ACYP2: variants seen among roughly 807,000 people sequenced by gnomAD.
ACYP2 encodes acylphosphatase 2.
ACYP2 carries 12 observed loss-of-function variants against 11.2 expected under a neutral mutation model. The ratio of observed to expected loss-of-function variants is 1.08; its 90% CI spans 0.69 to 1.74. ACYP2 has a LOEUF of 1.74. Among genes scored for constraint, ACYP2 ranks in the 40% most tolerant of loss-of-function variants. The probability of loss-of-function intolerance (pLI) is 0.00; values close to 1 mark genes in which losing one functional copy is unlikely to be tolerated. For synonymous variants in ACYP2, 43 were observed against 32.2 expected (o/e 1.33, Z -1.13); for missense variants, 134 against 101.9 (o/e 1.31, Z -1.35).
intron 2 of ACYP2, among the ~76,000 whole-genome samples, chr2:53,999,290 G>C (rs1487959874): frequency 6.6e-6 from 1 of 152,072 alleles, no homozygotes; most frequent in Non-Finnish European, 1.5e-5. Flanking sequence ...CATACAGGGA[G>C]ATGTCATGAG....
intron 2 of ACYP2, among the ~76,000 whole-genome samples, chr2:54,030,335 G>T (rs1439872224): frequency 6.6e-6 from 1 of 152,220 alleles, no homozygotes; most frequent in Non-Finnish European, 1.5e-5. Flanking sequence ...CACAAGGAAT[G>T]TATGACTGTC....
At chr2:54,194,800 C>A (rs1684388315) in intron 6 of ACYP2, among the ~76,000 whole-genome samples, 5 of 152,094 alleles carry the variant, frequency 3.3e-5, no homozygotes, top group Admixed American at 2.0e-4. Context: ...TGAACTGTTT[C>A]CTTCTTTTAT....
chr2:54,144,827 T>C (rs1366474402), intron 6 of ACYP2, among the ~76,000 whole-genome samples: 1 of 152,170 alleles, frequency 6.6e-6, no homozygotes. Flanking sequence ...AAACAGCTTT[T>C]AGATTTATTG....
intron 6 of ACYP2, among the ~76,000 whole-genome samples, chr2:54,245,014 G>T (rs1020795141): frequency 6.6e-6 from 1 of 151,960 alleles, no homozygotes; most frequent in Admixed American, 6.6e-5. Context: ...GTCCTTTAAC[G>T]TATCTCACCA....
intron 4 of ACYP2, among the ~76,000 whole-genome samples, chr2:54,096,270 C>A (rs553925158): frequency 7.6e-6 from 1 of 130,924 alleles, no homozygotes; most frequent in African/African-American, 3.0e-5. Context: ...ACATCTCAGA[C>A]GATGGGTGGC....
At position 54,057,292 on chromosome 2, in the gene ACYP2, G is replaced by A; in HGVS notation, c.209G>A (p.Ser70Asn). ...GGTTTTGGTCAAGTCATAATTGTGAGTGAAGAACCATGGAAGGAGAACATT... is the reference window on the plus strand; with the variant it reads ...GGTTTTGGTCAAGTCATAATTGTGAATGAAGAACCATGGAAGGAGAACATT... The change falls in exon 4 of 7, where the codon AGT (serine) becomes AAT (asparagine). Residue 70 changes from serine (S) to asparagine (N), a missense_variant. By Grantham distance (46) the Ser-to-Asn change is conservative. Transcript: ENST00000607452. The A allele has an allele frequency of 2.5e-6, 1 of 398,036 alleles. No homozygotes were observed. Among genetic ancestry groups the A allele is most frequent in the Non-Finnish European group, 4.4e-6 (1 of 225,736 alleles). 24.7% of individuals were successfully genotyped at this position (398,036 alleles called of 1,614,324 possible). A position where few individuals can be genotyped will look rare whatever the true frequency, so the allele number is the denominator to read the frequency against.
At chr2:54,115,905 G>GGGGGGGGGGGGGGGGGGGGGGGT (rs1447852707) in intron 4 of ACYP2, 149 bp downstream of exon 1, 2 of 1,048,754 alleles carry the variant, frequency 1.9e-6, no homozygotes, top group African/African-American at 4.7e-5. Context: ...GGCGGGGAGG[G>GGGGGGGGGGGGGGGGGGGGGGGT]AGGCGAAACG....
At chr2:54,122,901 G>A (rs1416479192) in intron 4 of ACYP2, among the ~76,000 whole-genome samples, 1 of 152,200 alleles carries the variant, frequency 6.6e-6, no homozygotes, top group African/African-American at 2.4e-5. Flanking sequence ...AAGACAAAGA[G>A]TAAAGCGGAG....
chr2:54,207,173 A>G (rs3951240), intron 6 of ACYP2, among the ~76,000 whole-genome samples: 3,458 of 138,686 alleles, frequency 0.025, 92 homozygotes, highest in African/African-American at 0.055. Flanking sequence ...CAACATGTAT[A>G]TGTGTGTGTG....
intron 2 of ACYP2, among the ~76,000 whole-genome samples, chr2:53,988,224 A>C (rs1362308748): frequency 6.6e-6 from 1 of 152,106 alleles, no homozygotes; most frequent in Non-Finnish European, 1.5e-5. Flanking sequence ...TAATAATAAT[A>C]ATCAAAAACA....
At chr2:54,256,301 C>A (rs1386960934) in intron 6 of ACYP2, 2 of 799,098 alleles carry the variant, frequency 2.5e-6, no homozygotes, top group African/African-American at 3.5e-5. Flanking sequence ...TCTCGCGACA[C>A]TCACTCCTCA....
intron 2 of ACYP2, among the ~76,000 whole-genome samples, chr2:53,979,344 A>G (rs555191112): frequency 1.3e-5 from 2 of 152,178 alleles, no homozygotes; most frequent in Non-Finnish European, 2.9e-5. Flanking sequence ...AAATTAGGAT[A>G]CAAGCTGGGT....
At chr2:54,065,561 T>G (rs1676702139) in intron 4 of ACYP2, 1 of 398,550 alleles carries the variant, frequency 2.5e-6, no homozygotes, top group Non-Finnish European at 4.4e-6. Flanking sequence ...TATTCAGAGC[T>G]GAGGCTTCAT....
chr2:54,028,777 G>A (rs896486629), intron 2 of ACYP2, among the ~76,000 whole-genome samples: 2 of 151,996 alleles, frequency 1.3e-5, no homozygotes, highest in African/African-American at 2.4e-5. Context: ...TAAAAAGAAG[G>A]GCATATAACC....
At chr2:54,263,006 G>A (rs1687848637) in intron 6 of ACYP2, among the ~76,000 whole-genome samples, 1 of 152,142 alleles carries the variant, frequency 6.6e-6, no homozygotes, top group South Asian at 2.1e-4. Flanking sequence ...AATCACCTGA[G>A]GCTGGAGTTT....
In ACYP2 at chr2:54,089,047, T is replaced by C. The variant is rs551084318; in HGVS notation, c.277+31687T>C. Among the ~76,000 whole-genome samples the C allele has an allele frequency of 3.9e-5, 6 of 152,360 alleles. No homozygotes were observed. The East Asian group carries it at 1.2e-3, about 29-fold the overall frequency. On this transcript the variant is annotated intron_variant, in intron 4 of 6. Coordinates refer to ENST00000607452, the MANE Select transcript of ACYP2 (RefSeq NM_001320586.2). ...ATAAAGTGCATTAACAGGACTTCTA[T>C]GCTAATAGGTTTCAGATATTTCTTG...
chr2:54,228,541 C>T (rs1264963551), intron 6 of ACYP2, among the ~76,000 whole-genome samples: 1 of 152,068 alleles, frequency 6.6e-6, no homozygotes, highest in Non-Finnish European at 1.5e-5. Flanking sequence ...AACCAGTATG[C>T]CAAACCACCT....
At chr2:53,993,070 G>A (rs1672385355) in intron 2 of ACYP2, among the ~76,000 whole-genome samples, 1 of 152,088 alleles carries the variant, frequency 6.6e-6, no homozygotes. Context: ...GCCAGGTGTG[G>A]TGGCACATGC....
chr2:54,217,579 C>T (rs1179156399), intron 6 of ACYP2, among the ~76,000 whole-genome samples: 4 of 151,890 alleles, frequency 2.6e-5, no homozygotes, highest in African/African-American at 9.7e-5. Flanking sequence ...CACCGTGTTG[C>T]CCAGGTTGGT....
Sources: gnomAD v4.1 joint callset for allele counts (sites outside exome capture counted in the v4.1 genomes callset) on GRCh38, gnomAD v4.1.1 for gene constraint, MANE v1.5 for transcripts, NCBI Gene and HGNC (gene_info 2026-07-23, HGNC 2026-07-21) for gene names.